PPM1D: variants seen among roughly 807,000 people sequenced by gnomAD.
The protein encoded by PPM1D is protein phosphatase 1D.
A neutral mutation model predicts 58.3 loss-of-function variants in PPM1D; 52 were observed. The observed-to-expected ratio is 0.89, with a 90% confidence interval of 0.71 to 1.12. The LOEUF is 1.12. Ranked by LOEUF, PPM1D falls within the 50% of genes most tolerant of loss-of-function variation. The pLI is 0.00. For synonymous variants in PPM1D, 278 were observed against 285.1 expected, an observed-to-expected ratio of 0.98 and a Z score of 0.25; for missense variants, 564 against 777.2, an observed-to-expected ratio of 0.73 and a Z score of 3.26.
At chr17:60,631,327 A>G (rs1035080600) in intron 2 of PPM1D, among the ~76,000 whole-genome samples, 5 of 147,566 alleles carry the variant, frequency 3.4e-5, no homozygotes. Context: ...CTCAAAACCA[A>G]ATGAAAACTA....
chr17:60,642,660 T>C (rs1458098813), intron 3 of PPM1D, among the ~76,000 whole-genome samples: 1 of 152,048 alleles, frequency 6.6e-6, no homozygotes, highest in East Asian at 1.9e-4. Context: ...GGTTTCACCA[T>C]TTTGGCCAGG....
chr17:60,609,516 A>C (rs114418231), intron 1 of PPM1D, among the ~76,000 whole-genome samples: 1,782 of 152,316 alleles, frequency 0.012, 34 homozygotes, highest in African/African-American at 0.041. Flanking sequence ...TAAATATAAA[A>C]TTCTAGAAAT....
chr17:60,600,289 T>C lies in PPM1D; in HGVS notation c.-126T>C, dbSNP rs2030173065. 3 of 1,440,686 alleles carry C rather than the reference T, an allele frequency of 2.1e-6. No homozygotes were observed. Among genetic ancestry groups the C allele is most frequent in the African/African-American group, 1.5e-5 (1 of 67,526 alleles). 89.2% of individuals were successfully genotyped at this position (1,440,686 alleles called of 1,614,324 possible). On this transcript the variant is annotated 5_prime_UTR_variant, in exon 1 of 6. Transcript: ENST00000305921. ...CATCGCGCGCCCCCCCTTCTCCGGG[T>C]CCGCCCCCTCCCCCTTCTCGGCGTC...
intron 1 of PPM1D, among the ~76,000 whole-genome samples, chr17:60,608,666 CT>C (rs1016590183): frequency 6.6e-6 from 1 of 152,070 alleles, no homozygotes; most frequent in African/African-American, 2.4e-5. Context: ...CATATTACAT[CT>C]TTTTCACTCC....
chr17:60,663,013 T>G lies in PPM1D; in HGVS notation c.1279T>G (p.Trp427Gly), dbSNP rs1567979385. ...TTTTCAGTCACTGGAGGAGGATCCA[T>G]GGCCAAGGGTGAATTCTAAGGACCA... is the stretch of plus-strand genomic sequence containing the variant. ...PPVKSLEEDP[W>G]PRVNSKDHIP... The change falls in exon 6 of 6, where the codon TGG becomes GGG. Residue 427 changes from tryptophan (W) to glycine (G), a missense_variant. By Grantham distance (184) the Trp-to-Gly change is radical (BLOSUM62 -2). Coordinates refer to ENST00000305921, the MANE Select transcript of PPM1D (RefSeq NM_003620.4). The G allele has an allele frequency of 2.5e-6, 4 of 1,607,720 alleles. No individual in the cohort carries two copies. Among genetic ancestry groups the G allele is most frequent in the Non-Finnish European group, 3.4e-6 (4 of 1,177,110 alleles).
At chr17:60,633,785 T>C in intron 2 of PPM1D, 68 bp from the exon 3 acceptor site, 1 of 1,369,018 alleles carries the variant, frequency 7.3e-7, no homozygotes, top group East Asian at 2.5e-5. Flanking sequence ...AGTGATTTAA[T>C]ATACTGAGCT....
Position 60,648,036 on chromosome 17 carries a change from A to T in PPM1D, c.971A>T (p.Asp324Val). The change falls in exon 4 of 6, where the codon GAT becomes GTT. Residue 324 changes from aspartate (D) to valine (V), a missense_variant. Physicochemically the swap from Asp to Val is radical, Grantham distance 152. Transcript: ENST00000305921. Reference protein sequence around the residue: ...DGLWNMIPPQDAISMCQDQEE... With the variant: ...DGLWNMIPPQVAISMCQDQEE... The stretch of plus-strand genomic sequence containing the variant: ...CTTTGGAATATGATTCCACCACAAG[A>T]TGCCATCTCAATGTGCCAGGACCAA... 6.2e-7 allele frequency: 1 copy of T among 1,613,814 alleles called. No individual in the cohort carries two copies. The highest frequency in any genetic ancestry group is 8.5e-7 in the Non-Finnish European group (1 of 1,179,962).
At position 60,613,224 on chromosome 17, in the gene PPM1D, C is replaced by T. The variant is rs1286257984; in HGVS notation, c.473-10297C>T. On this transcript the variant is annotated intron_variant, in intron 1 of 5. Coordinates refer to ENST00000305921, the MANE Select transcript of PPM1D (RefSeq NM_003620.4). The stretch of plus-strand genomic sequence containing the variant: ...TGTAGCCTTTTTTTTTTCATTTGGA[C>T]TATTTCTTCAGAAAAAAAATTCTCA... Among the ~76,000 whole-genome samples, 4 of 150,714 alleles carry T rather than the reference C, an allele frequency of 2.7e-5. No homozygotes were observed. The South Asian group carries it at 6.3e-4, about 24-fold the overall frequency.
At chr17:60,641,056 A>G (rs912506563) in intron 3 of PPM1D, among the ~76,000 whole-genome samples, 7 of 152,116 alleles carry the variant, frequency 4.6e-5, no homozygotes, top group Non-Finnish European at 5.9e-5. Flanking sequence ...TAGTGCTGCA[A>G]TGAACATTTG....
chr17:60,621,213 G>A (rs886629192), intron 1 of PPM1D, among the ~76,000 whole-genome samples: 8 of 152,146 alleles, frequency 5.3e-5, no homozygotes, highest in Non-Finnish European at 1.0e-4. Context: ...GTGAGCCACC[G>A]CATCCGGCCT....
chr17:60,659,816 G>A (rs956051043), intron 5 of PPM1D, among the ~76,000 whole-genome samples: 3 of 152,188 alleles, frequency 2.0e-5, no homozygotes, highest in Non-Finnish European at 4.4e-5. Context: ...CAGATACAAT[G>A]TATTCCCACA....
At position 60,600,486 on chromosome 17, in the gene PPM1D, T is replaced by C; in HGVS notation, c.72T>C (p.Val24=). Residue 24 remains valine (V), a synonymous_variant, in exon 1 of 6, where the codon GTT becomes GTC. Coordinates refer to ENST00000305921, the MANE Select transcript of PPM1D (RefSeq NM_003620.4). ...GCGGGAGGAAGTACATGGAGGACGT[T>C]ACTCAAATCGTTGTGGAGCCCGAAC... ...DQGGRKYMED[V]TQIVVEPEPT... 3.2e-6 allele frequency: 5 copies of C among 1,574,232 alleles called. No individual in the cohort carries two copies. The highest frequency in any genetic ancestry group is 4.3e-6 in the Non-Finnish European group (5 of 1,160,198).
At chr17:60,606,436 G>A (rs762194183) in intron 1 of PPM1D, among the ~76,000 whole-genome samples, 2 of 152,080 alleles carry the variant, frequency 1.3e-5, no homozygotes, top group Non-Finnish European at 1.5e-5. Flanking sequence ...TGGATCATAT[G>A]GTAATTCTAT....
intron 2 of PPM1D, among the ~76,000 whole-genome samples, 171 bp downstream of exon 2, chr17:60,623,920 A>T (rs1258191386): frequency 6.6e-6 from 1 of 152,078 alleles, no homozygotes; most frequent in East Asian, 1.9e-4. Context: ...TATTTTTCTC[A>T]TTACTATGAA....
Position 60,665,517 on chromosome 17 carries a change from A to G in PPM1D, c.*1965A>G, listed in dbSNP as rs1441450950. The G allele has an allele frequency of 6.6e-6, 1 of 152,226 alleles. No individual in the cohort carries two copies. Among genetic ancestry groups the G allele is most frequent in the Non-Finnish European group, 1.5e-5 (1 of 68,072 alleles). 9.4% of individuals were successfully genotyped at this position (152,226 alleles called of 1,614,324 possible). A position where few individuals can be genotyped will look rare whatever the true frequency, so the allele number is the denominator to read the frequency against. ...GCCACCGTGCCCAGCCAACTATGCC[A>G]TTATTTAACCATGTCCACACATTCT... On this transcript the variant is annotated 3_prime_UTR_variant, in exon 6 of 6. Coordinates refer to ENST00000305921, the MANE Select transcript of PPM1D (RefSeq NM_003620.4).
intron 5 of PPM1D, among the ~76,000 whole-genome samples, chr17:60,662,122 G>A (rs1184561140): frequency 6.6e-6 from 1 of 152,102 alleles, no homozygotes; most frequent in Non-Finnish European, 1.5e-5. Context: ...TCAGCCTCCA[G>A]AGTAGCTGGG....
At chr17:60,600,938 C>G in intron 1 of PPM1D, 52 bp downstream of exon 1, 1 of 1,608,934 alleles carries the variant, frequency 6.2e-7, no homozygotes, top group Non-Finnish European at 8.5e-7. Flanking sequence ...CAGTTCAGGG[C>G]TTTTATGGCA....
chr17:60,647,054 C>G (rs1211952530), intron 3 of PPM1D, among the ~76,000 whole-genome samples: 1 of 152,142 alleles, frequency 6.6e-6, no homozygotes, highest in East Asian at 1.9e-4. Context: ...TCATCTTGTC[C>G]TTTTTCTTCA....
At chr17:60,615,180 C>T (rs9895106) in intron 1 of PPM1D, among the ~76,000 whole-genome samples, 6,236 of 152,068 alleles carry the variant, frequency 0.041, 348 homozygotes, top group African/African-American at 0.13. Flanking sequence ...GCAGATTGCT[C>T]GAGCCCAGGA....
Sources: gnomAD v4.1 joint callset for allele counts (sites outside exome capture counted in the v4.1 genomes callset) on GRCh38, gnomAD v4.1.1 for gene constraint, MANE v1.5 for transcripts, NCBI Gene and HGNC (gene_info 2026-07-23, HGNC 2026-07-21) for gene names.